CDKAL1: variants seen among roughly 807,000 people sequenced by gnomAD.
The protein encoded by CDKAL1 is threonylcarbamoyladenosine tRNA methylthiotransferase.
In CDKAL1, 32 loss-of-function variants were observed where a neutral mutation model predicts 68.2. The ratio of observed to expected loss-of-function variants is 0.47; its 90% confidence interval spans 0.35 to 0.63. The LOEUF (loss-of-function observed/expected upper bound fraction) is 0.63, where lower values mean the gene tolerates loss of function less well. CDKAL1 is among the 30% of genes least tolerant of loss of function. The pLI is 0.00. For missense variants in CDKAL1, 606 were observed against 696.7 expected (o/e 0.87, Z 1.47); for synonymous variants, 234 against 244.3 (o/e 0.96, Z 0.39).
chr6:20,663,161 G>A (rs1008344213), intron 5 of CDKAL1, among the ~76,000 whole-genome samples: 1 of 152,170 alleles, frequency 6.6e-6, no homozygotes, highest in Middle Eastern at 3.4e-3. Flanking sequence ...CAAAACCCGT[G>A]CTTGCATCTC....
At chr6:20,617,835 G>A (rs1766991827) in intron 4 of CDKAL1, among the ~76,000 whole-genome samples, 1 of 152,108 alleles carries the variant, frequency 6.6e-6, no homozygotes, top group Non-Finnish European at 1.5e-5. Flanking sequence ...CATTTGGGTT[G>A]GTTCCAAGTC....
Position 20,810,870 on chromosome 6 carries a change from C to A in CDKAL1, c.638+29605C>A, listed in dbSNP as rs544712969. Among the ~76,000 whole-genome samples, 8 of 152,096 alleles carry A rather than the reference C, an allele frequency of 5.3e-5. No individual in the cohort carries two copies. The South Asian group carries it at 1.7e-3, about 32-fold the overall frequency. On this transcript the variant is annotated intron_variant, in intron 8 of 15. Coordinates refer to ENST00000274695, the MANE Select transcript of CDKAL1 (RefSeq NM_017774.3). ...TCTCCTTTTCTCACCCACCCTACCC[C>A]CAGTATTTACAATTCTTTGTTTTGA...
At chr6:20,967,737 G>A (rs1363112268) in intron 10 of CDKAL1, among the ~76,000 whole-genome samples, 1 of 152,204 alleles carries the variant, frequency 6.6e-6, no homozygotes, top group Non-Finnish European at 1.5e-5. Context: ...GGATTGGAGA[G>A]TCCTTTCATT....
intron 2 of CDKAL1, among the ~76,000 whole-genome samples, chr6:20,542,892 C>A (rs948214616): frequency 6.6e-6 from 1 of 152,204 alleles, no homozygotes; most frequent in Non-Finnish European, 1.5e-5. Context: ...TCATTTCAAG[C>A]ATGTTATATA....
intron 9 of CDKAL1, among the ~76,000 whole-genome samples, chr6:20,933,433 A>G (rs1258256571): frequency 6.6e-6 from 1 of 152,254 alleles, no homozygotes; most frequent in African/African-American, 2.4e-5. Flanking sequence ...GTTATTAACT[A>G]AAAGGAGAGA....
intron 8 of CDKAL1, among the ~76,000 whole-genome samples, chr6:20,834,728 T>C (rs1777858192): frequency 6.6e-6 from 1 of 152,242 alleles, no homozygotes; most frequent in South Asian, 2.1e-4. Flanking sequence ...GCAACTATAG[T>C]ATAATGTTTA....
intron 15 of CDKAL1, among the ~76,000 whole-genome samples, chr6:21,216,476 AAAT>A (rs1264030186): frequency 1.3e-5 from 2 of 152,068 alleles, no homozygotes; most frequent in African/African-American, 2.4e-5. Flanking sequence ...TCCAGAAAAA[AAAT>A]AATAATAAGT....
At chr6:20,795,870 A>G (rs1260824918) in intron 8 of CDKAL1, among the ~76,000 whole-genome samples, 2 of 152,216 alleles carry the variant, frequency 1.3e-5, no homozygotes, top group Non-Finnish European at 2.9e-5. Context: ...TGATGACACA[A>G]ATTCCAAGGG....
chr6:20,971,337 C>T (rs1454457470), intron 10 of CDKAL1, among the ~76,000 whole-genome samples: 1 of 152,208 alleles, frequency 6.6e-6, no homozygotes, highest in East Asian at 1.9e-4. Flanking sequence ...TGCCGTGTCA[C>T]ACCATCAGCA....
intron 12 of CDKAL1, among the ~76,000 whole-genome samples, chr6:21,079,976 C>CTGTGTGTGTGTGTGTGTGTG (rs764266426): frequency 0.071 from 9,577 of 135,620 alleles, 465 homozygotes; most frequent in East Asian, 0.11. Flanking sequence ...AACTTTGTCT[C>CTGTGTGTGTGTGTGTGTGTG]TGTGTGTGTG....
At chr6:21,002,595 G>A (rs1236905785) in intron 11 of CDKAL1, among the ~76,000 whole-genome samples, 5 of 150,808 alleles carry the variant, frequency 3.3e-5, no homozygotes, top group African/African-American at 9.8e-5. Context: ...GTAGTAGGCA[G>A]CCAATATGAT....
At chr6:20,637,219 C>T (rs796752541) in intron 4 of CDKAL1, among the ~76,000 whole-genome samples, 3 of 151,958 alleles carry the variant, frequency 2.0e-5, no homozygotes, top group African/African-American at 4.8e-5. Context: ...GAGTATAGCT[C>T]GTGCATAGAG....
At chr6:21,015,041 A>G (rs1019766867) in intron 11 of CDKAL1, among the ~76,000 whole-genome samples, 1 of 152,186 alleles carries the variant, frequency 6.6e-6, no homozygotes, top group African/African-American at 2.4e-5. Flanking sequence ...TTGCGATTCT[A>G]TACCATCTAG....
chr6:21,127,682 G>A (rs1192603707), intron 13 of CDKAL1, among the ~76,000 whole-genome samples: 9 of 152,122 alleles, frequency 5.9e-5, no homozygotes, highest in African/African-American at 1.2e-4. Context: ...CCTGGAAGGC[G>A]GAGGTTGCAG....
intron 4 of CDKAL1, among the ~76,000 whole-genome samples, chr6:20,626,322 C>G (rs1020744649): frequency 6.6e-6 from 1 of 152,044 alleles, no homozygotes; most frequent in Non-Finnish European, 1.5e-5. Context: ...GAAGCAGAGA[C>G]CTTCACTAAA....
Position 21,120,490 on chromosome 6 carries a change from T to TACC in CDKAL1, c.1299+12029_1299+12030insCAC, listed in dbSNP as rs200653593. On this transcript the variant is annotated intron_variant, in intron 13 of 15. Transcript: ENST00000274695. ...TTGGTTTTAATTATAAATTAAGTAA[T>TACC]ACATGCACTTAATACCCTATTCAAG... Among the ~76,000 whole-genome samples, 308 of 152,368 alleles carry TACC rather than the reference T, an allele frequency of 2.0e-3. 2 individuals are homozygous for TACC. Among genetic ancestry groups the TACC allele is most frequent in the African/African-American group, 7.1e-3 (295 of 41,592 alleles).
chr6:20,568,839 C>T (rs987007469), intron 4 of CDKAL1, among the ~76,000 whole-genome samples: 2 of 152,118 alleles, frequency 1.3e-5, no homozygotes, highest in Non-Finnish European at 2.9e-5. Context: ...CCACTCTGCC[C>T]CCTCATCAGA....
chr6:20,612,931 C>T (rs933073114), intron 4 of CDKAL1, among the ~76,000 whole-genome samples: 1 of 149,930 alleles, frequency 6.7e-6, no homozygotes, highest in East Asian at 2.0e-4. Context: ...AATAAGACTC[C>T]ATCCATCTGC....
chr6:21,065,848 T>C (rs1771407745), intron 12 of CDKAL1, among the ~76,000 whole-genome samples: 1 of 151,970 alleles, frequency 6.6e-6, no homozygotes, highest in Admixed American at 6.6e-5. Flanking sequence ...AAAACAAATA[T>C]CTACTTTCTA....
Sources: allele counts gnomAD v4.1 joint callset (sites outside exome capture counted in the v4.1 genomes callset), GRCh38; gene constraint gnomAD v4.1.1; transcripts MANE v1.5; gene names NCBI Gene and HGNC (gene_info 2026-07-23, HGNC 2026-07-21).